The following TRAPPC9 variants were observed in gnomAD, a reference collection of about 807,000 sequenced individuals.
The protein encoded by TRAPPC9 is trafficking protein particle complex subunit 9.
In TRAPPC9, 83 loss-of-function variants were observed where a neutral mutation model predicts 124.0. The observed-to-expected ratio is 0.67, with a 90% CI of 0.56 to 0.80. TRAPPC9 has a LOEUF of 0.80. Among genes scored for constraint, TRAPPC9 ranks in the 30% least tolerant of loss-of-function variants. The pLI, the probability that TRAPPC9 is intolerant of heterozygous loss-of-function variation, is 0.00. For missense variants in TRAPPC9, 1,302 were observed against 1,508.3 expected (o/e 0.86, Z 2.27); for synonymous variants, 638 against 617.5 (o/e 1.03, Z -0.49).
intron 20 of TRAPPC9, among the ~76,000 whole-genome samples, chr8:139,890,475 C>T (rs1464263607): frequency 6.6e-6 from 1 of 152,242 alleles, no homozygotes; most frequent in Non-Finnish European, 1.5e-5. Flanking sequence ...TGAGGTGAAA[C>T]CAGGTTCCTA....
chr8:140,177,593 A>G (rs2062099416), intron 17 of TRAPPC9, among the ~76,000 whole-genome samples: 3 of 152,066 alleles, frequency 2.0e-5, no homozygotes, highest in East Asian at 1.9e-4. Context: ...CGTCATACAA[A>G]CTTTAGAATA....
chr8:140,122,919 T>A (rs1446312003), intron 17 of TRAPPC9, among the ~76,000 whole-genome samples: 1 of 152,230 alleles, frequency 6.6e-6, no homozygotes, highest in Non-Finnish European at 1.5e-5. Context: ...AGCACGAGGT[T>A]ATTCACAGTT....
chr8:140,210,052 A>G (rs527447596), intron 17 of TRAPPC9, among the ~76,000 whole-genome samples: 1 of 152,306 alleles, frequency 6.6e-6, no homozygotes, highest in East Asian at 1.9e-4. Flanking sequence ...ATCTGTAAAC[A>G]CTGTCACCGC....
In TRAPPC9 at chr8:139,729,662, GGGTGA is replaced by G. The variant is rs1817709481; in HGVS notation, c.*1394_*1398del. 6.6e-6 allele frequency among the ~76,000 whole-genome samples: 1 copy of G among 152,236 alleles called. No individual in the cohort carries two copies. The highest frequency in any genetic ancestry group is 2.1e-4 in the South Asian group (1 of 4,836). On this transcript the variant is annotated 3_prime_UTR_variant, in exon 23 of 23. Coordinates refer to ENST00000438773, the MANE Select transcript of TRAPPC9 (RefSeq NM_001160372.4). ...TTTGTTCCTTAGGCCGGAGGCCACAGGGTGACCTTGCTCCCAGCGAGGGAGGTTTG... is the reference window on the plus strand; with the variant it reads ...TTTGTTCCTTAGGCCGGAGGCCACAGCCTTGCTCCCAGCGAGGGAGGTTTG...
At chr8:140,209,956 T>G (rs1236127207) in intron 17 of TRAPPC9, among the ~76,000 whole-genome samples, 2 of 152,284 alleles carry the variant, frequency 1.3e-5, no homozygotes, top group East Asian at 3.8e-4. Context: ...ACTTAGTAAC[T>G]GCTTGACCTT....
At chr8:140,351,835 A>G (rs1222909133) in intron 9 of TRAPPC9, among the ~76,000 whole-genome samples, 1 of 152,168 alleles carries the variant, frequency 6.6e-6, no homozygotes, top group Non-Finnish European at 1.5e-5. Flanking sequence ...TGAGACAGAG[A>G]GGTCTGCTAG....
At chr8:139,779,909 T>C (rs1008771608) in intron 21 of TRAPPC9, among the ~76,000 whole-genome samples, 1 of 152,106 alleles carries the variant, frequency 6.6e-6, no homozygotes, top group African/African-American at 2.4e-5. Context: ...AGTAAAAACA[T>C]AATATCACTA....
At chr8:140,286,625 G>C (rs1045549495) in intron 13 of TRAPPC9, among the ~76,000 whole-genome samples, 5 of 152,298 alleles carry the variant, frequency 3.3e-5, no homozygotes, top group Middle Eastern at 3.4e-3. Context: ...GAACCCGTTA[G>C]GGCAAATGGC....
rs2065100306 is a variant in TRAPPC9, at chr8:140,275,818, A to C, written c.2118T>G (p.Ser706=). 1.2e-6 allele frequency: 2 copies of C among 1,611,522 alleles called. No homozygotes were observed. The highest frequency in any genetic ancestry group is 2.7e-5 in the African/African-American group (2 of 75,012). The stretch of plus-strand genomic sequence containing the variant: ...CAGAAGAAGGTTGCAATGAATGTGC[A>C]GATCTAAAATAAGAAGAAGAAATTT... The part of the protein sequence containing the change: ...RLQISTSLPR[S]AHSLQPSSGD... Residue 706 remains serine, a synonymous_variant, in exon 15 of 23, where the codon TCT becomes TCG. Coordinates refer to ENST00000438773, the MANE Select transcript of TRAPPC9 (RefSeq NM_001160372.4).
chr8:139,856,734 CAA>C (rs35682231), intron 21 of TRAPPC9, among the ~76,000 whole-genome samples: 101 of 128,574 alleles, frequency 7.9e-4, no homozygotes, highest in Admixed American at 1.3e-3. Flanking sequence ...CCAGCACCTG[CAA>C]AAAAAAAAAA....
At chr8:140,374,851 A>G (rs2068389649) in intron 7 of TRAPPC9, among the ~76,000 whole-genome samples, 1 of 152,202 alleles carries the variant, frequency 6.6e-6, no homozygotes, top group Non-Finnish European at 1.5e-5. Context: ...CATGGAACCT[A>G]TCTAAGATGA....
chr8:139,743,058 A>C (rs1225009479), intron 21 of TRAPPC9, among the ~76,000 whole-genome samples: 1 of 152,160 alleles, frequency 6.6e-6, no homozygotes, highest in Non-Finnish European at 1.5e-5. Context: ...AAAATGTGGA[A>C]GGTGGTGGGG....
At chr8:139,929,968 C>G (rs1413083260) in intron 19 of TRAPPC9, among the ~76,000 whole-genome samples, 3 of 152,218 alleles carry the variant, frequency 2.0e-5, no homozygotes, top group Non-Finnish European at 4.4e-5. Context: ...TCAGGAGCAG[C>G]ACCTGACACA....
At chr8:140,072,593 AAGGAGGAGGAGGAGGAGG>A (rs139221264) in intron 17 of TRAPPC9, among the ~76,000 whole-genome samples, 126 of 141,248 alleles carry the variant, frequency 8.9e-4, no homozygotes, top group Non-Finnish European at 1.6e-3. Flanking sequence ...AGGAGAAGGG[AAGGAGGAGGAGGAGGAGG>A]AGGAGGAGGA....
intron 19 of TRAPPC9, chr8:139,911,311 T>A (rs919464014): frequency 6.6e-6 from 1 of 152,362 alleles, no homozygotes; most frequent in African/African-American, 2.4e-5. Flanking sequence ...GTAAGTCCAA[T>A]TAAACCTCTT....
intron 10 of TRAPPC9, among the ~76,000 whole-genome samples, chr8:140,304,583 AC>A (rs2131845970): frequency 6.6e-6 from 1 of 152,142 alleles, no homozygotes; most frequent in East Asian, 1.9e-4. Context: ...GAGGGGGACA[AC>A]CCTACATGTG....
chr8:140,111,965 C>A (rs566206657), intron 17 of TRAPPC9, among the ~76,000 whole-genome samples: 6 of 152,254 alleles, frequency 3.9e-5, no homozygotes, highest in African/African-American at 1.4e-4. Flanking sequence ...CAGGCGCAGG[C>A]GCCATGGCAG....
At chr8:139,758,618 A>G (rs1820014736) in intron 21 of TRAPPC9, among the ~76,000 whole-genome samples, 1 of 152,300 alleles carries the variant, frequency 6.6e-6, no homozygotes, top group African/African-American at 2.4e-5. Flanking sequence ...TTACTGAGCC[A>G]GGCTCCCTGA....
chr8:139,820,361 A>G (rs992189558), intron 21 of TRAPPC9, among the ~76,000 whole-genome samples: 3 of 152,024 alleles, frequency 2.0e-5, no homozygotes, highest in South Asian at 2.1e-4. Context: ...TTGTATTTTT[A>G]GTAGAGACGG....
Sources: allele counts gnomAD v4.1 joint callset (sites outside exome capture counted in the v4.1 genomes callset), GRCh38; gene constraint gnomAD v4.1.1; transcripts MANE v1.5; gene names NCBI Gene and HGNC (gene_info 2026-07-23, HGNC 2026-07-21).